TECPR1: variants seen among roughly 807,000 people sequenced by gnomAD.
TECPR1 encodes tectonin beta-propeller repeat containing 1, also known as tectonin beta-propeller repeat-containing protein 1.
Under a neutral mutation model 162.4 loss-of-function variants are expected in TECPR1, and 122 were observed. The ratio of observed to expected loss-of-function variants is 0.75; its 90% CI spans 0.65 to 0.87. The LOEUF (loss-of-function observed/expected upper bound fraction) is 0.87. Among genes scored for constraint, TECPR1 ranks in the 40% least tolerant of loss-of-function variants. The pLI, the probability that TECPR1 is intolerant of heterozygous loss-of-function variation, is 0.00. For missense variants in TECPR1, 1,432 were observed against 1,618.2 expected (o/e 0.88, Z 1.97); for synonymous variants, 642 against 670.6 (o/e 0.96, Z 0.66).
At chr7:98,242,904 TCACCCACCCATCCACACACCCATCCGC>T (rs1798797231) in intron 6 of TECPR1, among the ~76,000 whole-genome samples, 2 of 9,384 alleles carry the variant, frequency 2.1e-4, no homozygotes, top group Non-Finnish European at 5.1e-4. Flanking sequence ...ACCCACCCAC[TCACCCACCCATCCACACACCCATCCGC>T]CCATCCACAC....
intron 23 of TECPR1, among the ~76,000 whole-genome samples, chr7:98,219,369 A>G (rs59932969): frequency 0.19 from 28,733 of 152,206 alleles, 2,920 homozygotes; most frequent in East Asian, 0.27. Context: ...CAAATGCAAC[A>G]AAAACAAAAA....
chr7:98,243,467 C>A lies in TECPR1; in HGVS notation c.657G>T (p.Lys219Asn). 6.2e-7 allele frequency: 1 copy of A among 1,612,298 alleles called. No homozygotes were observed. The highest frequency in any genetic ancestry group is 8.5e-7 in the Non-Finnish European group (1 of 1,179,760). Reference sequence around the variant, plus strand: ...GGGCAGGGAGAGGGGTTGGCCTTACCTTGCCCTGCAGAGACACAGCCCACA... The same window carrying A: ...GGGCAGGGAGAGGGGTTGGCCTTACATTGCCCTGCAGAGACACAGCCCACA... ...LSVWAVSLQG[K>N]VWYREDVSHS... The change falls in exon 6 of 26, where the codon AAG (lysine) becomes AAT (asparagine). Residue 219 changes from lysine to asparagine, a missense_variant and splice_region_variant. Coordinates refer to ENST00000447648, the MANE Select transcript of TECPR1 (RefSeq NM_015395.3).
At chr7:98,236,718 C>T (rs1208404467) in intron 10 of TECPR1, 58 bp downstream of exon 10, 8 of 1,556,126 alleles carry the variant, frequency 5.1e-6, no homozygotes, top group African/African-American at 1.4e-5. Flanking sequence ...ACATGACCAC[C>T]TAGGCTCAGA....
intron 22 of TECPR1, among the ~76,000 whole-genome samples, chr7:98,222,107 C>T (rs1281010655): frequency 6.6e-6 from 1 of 152,234 alleles, no homozygotes; most frequent in Non-Finnish European, 1.5e-5. Context: ...AACAAGCCAG[C>T]ACAGCCCGTC....
chr7:98,223,838 G>A, intron 19 of TECPR1, 120 bp from the exon 20 acceptor site: 2 of 1,105,870 alleles, frequency 1.8e-6, no homozygotes, highest in East Asian at 2.5e-5. Context: ...GGAAGCCATG[G>A]ATGGGGTTCA....
chr7:98,237,413 C>T lies in TECPR1; in HGVS notation c.1036-492G>A, dbSNP rs1798631615. 2.0e-5 allele frequency among the ~76,000 whole-genome samples: 3 copies of T among 152,078 alleles called. No individual in the cohort carries two copies. The South Asian group carries it at 6.2e-4, about 32-fold the overall frequency. On this transcript the variant is annotated intron_variant, in intron 9 of 25. Coordinates refer to ENST00000447648, the MANE Select transcript of TECPR1 (RefSeq NM_015395.3). The stretch of plus-strand genomic sequence containing the variant: ...GGCTCAAGTGATTCTCCTACCTCAG[C>T]CTCCCAAGTAGCTGGGATTACAGGC...
At chr7:98,233,970 C>T in intron 10 of TECPR1, 59 bp from the exon 11 acceptor site, 1 of 1,464,780 alleles carries the variant, frequency 6.8e-7, no homozygotes, top group Non-Finnish European at 9.1e-7. Context: ...CGCTGTCAGG[C>T]AGGCCCAGCT....
chr7:98,250,914 T>C (rs954050), intron 2 of TECPR1: 68,125 of 151,980 alleles, frequency 0.45, 15,759 homozygotes, highest in East Asian at 0.69. Flanking sequence ...CCCAGGCACC[T>C]GTCGTCACTT....
At position 98,222,760 on chromosome 7, in the gene TECPR1, C is replaced by T. The variant is rs896413744; in HGVS notation, c.2928+230G>A. ...CGTGTGCACCTCACCGGGGTGCTGA[C>T]CACCAAGGACTGGGTGCCAAAGAGC... On this transcript the variant is annotated intron_variant, in intron 21 of 25. Coordinates refer to ENST00000447648, the MANE Select transcript of TECPR1 (RefSeq NM_015395.3). The T allele has an allele frequency of 1.3e-5, 10 of 784,866 alleles. No individual in the cohort carries two copies. In the African/African-American group the frequency reaches 1.6e-4, roughly 12 times the overall value. The allele number at this position is 784,866 out of a possible 1,614,324, so 48.6% of individuals were successfully genotyped here.
chr7:98,217,677 G>A lies in TECPR1; in HGVS notation c.3384+15C>T, dbSNP rs376322900. The stretch of plus-strand genomic sequence containing the variant: ...CAAGGTGATAACACAGCCCAAGGCC[G>A]CGGGCCCCGCTCACCCCGATGCCGT... On this transcript the variant is annotated intron_variant, in intron 25 of 25. Coordinates refer to ENST00000447648, the MANE Select transcript of TECPR1 (RefSeq NM_015395.3). 1.2e-4 allele frequency: 188 copies of A among 1,532,222 alleles called. No individual in the cohort carries two copies. In the East Asian group the frequency reaches 2.4e-3, roughly 19 times the overall value. The allele number at this position is 1,532,222 out of a possible 1,614,324, so 94.9% of individuals were successfully genotyped here.
chr7:98,217,449 A>G lies in TECPR1; in HGVS notation c.3439T>C (p.Ser1147Pro). Residue 1147 changes from serine (S) to proline (P), a missense_variant, in exon 26 of 26, where the codon TCG becomes CCG. Ser to Pro is a moderately conservative substitution (Grantham distance 74). Transcript: ENST00000447648. ...RANATRAPRS[S>P]SQEQEPSAPP... ...GCACTCGGCTCCTGCTCCTGGGACG[A>G]GCTCCGGGGGGCCCTGGTGGCATTG... 1 of 1,610,098 alleles carries G rather than the reference A, an allele frequency of 6.2e-7. No individual in the cohort carries two copies. The highest frequency in any genetic ancestry group is 8.5e-7 in the Non-Finnish European group (1 of 1,178,474).
rs1798854830 is a variant in TECPR1, at chr7:98,244,663, T to C, written c.439A>G (p.Thr147Ala). The C allele has an allele frequency of 7.4e-6, 12 of 1,612,470 alleles. No homozygotes were observed. The highest frequency in any genetic ancestry group is 9.3e-6 in the Non-Finnish European group (11 of 1,179,362). The change falls in exon 5 of 26, where the codon ACC (threonine) becomes GCC (alanine). Residue 147 changes from threonine (T) to alanine (A), a missense_variant. By Grantham distance (58) the Thr-to-Ala change is moderately conservative (BLOSUM62 0). Coordinates refer to ENST00000447648, the MANE Select transcript of TECPR1 (RefSeq NM_015395.3). ...GWTYAIDFPA[T>A]YTKDKKWNSC... ...TTCCACTTCTTGTCTTTCGTGTAGG[T>C]GGCGGGAAAGTCGATGGCGTACGTC... is the stretch of plus-strand genomic sequence containing the variant.
At chr7:98,238,361 C>G in intron 9 of TECPR1, 148 bp downstream of exon 9, 2 of 685,838 alleles carry the variant, frequency 2.9e-6, no homozygotes, top group Middle Eastern at 4.0e-4. Context: ...CAGAGGGAAG[C>G]CTGGCACCTC....
intron 11 of TECPR1, 44 bp downstream of exon 11, chr7:98,233,377 C>CA (rs1160227371): frequency 7.1e-7 from 1 of 1,415,728 alleles, no homozygotes; most frequent in African/African-American, 1.5e-5. Context: ...ACCCCCAGGG[C>CA]ACCTGGCCAT....
At chr7:98,228,496 C>CG (rs1798336352) in intron 16 of TECPR1, 1 of 254,518 alleles carries the variant, frequency 3.9e-6, no homozygotes, top group Admixed American at 4.5e-5. Context: ...CCGTGAGCCC[C>CG]GGCTTCCTCA....
Position 98,233,655 on chromosome 7 carries a change from G to T in TECPR1, c.1438C>A (p.Pro480Thr). The T allele has an allele frequency of 6.3e-7, 1 of 1,594,466 alleles. No individual in the cohort carries two copies. Among genetic ancestry groups the T allele is most frequent in the Non-Finnish European group, 8.6e-7 (1 of 1,168,728 alleles). Residue 480 changes from proline to threonine, a missense_variant, in exon 11 of 26, where the codon CCC (proline) becomes ACC (threonine). By Grantham distance (38) the Pro-to-Thr change is conservative. Coordinates refer to ENST00000447648, the MANE Select transcript of TECPR1 (RefSeq NM_015395.3). Reference protein sequence around the residue: ...ARPNTHPGPAPTPAELPWTNI... With the variant: ...ARPNTHPGPATTPAELPWTNI... Reference sequence around the variant, plus strand: ...GTCCAGGGCAGCTCGGCCGGGGTGGGGGCCGGGCCGGGGTGCGTGTTGGGT... The same window carrying T: ...GTCCAGGGCAGCTCGGCCGGGGTGGTGGCCGGGCCGGGGTGCGTGTTGGGT...
At chr7:98,219,534 GCA>G (rs2116526751) in intron 23 of TECPR1, among the ~76,000 whole-genome samples, 1 of 152,180 alleles carries the variant, frequency 6.6e-6, no homozygotes, top group Non-Finnish European at 1.5e-5. Context: ...AAACAAATCA[GCA>G]CACACACAAA....
At chr7:98,233,232 A>C in intron 11 of TECPR1, 189 bp downstream of exon 11, 1 of 894,452 alleles carries the variant, frequency 1.1e-6, no homozygotes, top group Non-Finnish European at 1.6e-6. Flanking sequence ...CCAGGTCCTG[A>C]CAGCCTCGGG....
At chr7:98,240,719 T>G in intron 8 of TECPR1, 132 bp downstream of exon 8, 3 of 771,850 alleles carry the variant, frequency 3.9e-6, no homozygotes, top group Non-Finnish European at 3.9e-6. Flanking sequence ...CCGGCCTGGG[T>G]TTTTCTTTTT....
Sources: gnomAD v4.1 joint callset for allele counts (sites outside exome capture counted in the v4.1 genomes callset) on GRCh38, gnomAD v4.1.1 for gene constraint, MANE v1.5 for transcripts, NCBI Gene and HGNC (gene_info 2026-07-23, HGNC 2026-07-21) for gene names.